Variants in CNTNAP2 observed in about 807,000 individuals in gnomAD.
CNTNAP2 encodes the protein contactin associated protein 2, also known as contactin-associated protein-like 2.
A neutral mutation model predicts 155.2 loss-of-function variants in CNTNAP2; 98 were observed. The ratio of observed to expected loss-of-function variants is 0.63; its 90% confidence interval spans 0.54 to 0.75. The LOEUF (loss-of-function observed/expected upper bound fraction) is 0.75. CNTNAP2 is among the 30% of genes least tolerant of loss of function. The pLI, the probability that CNTNAP2 is intolerant of heterozygous loss-of-function variation, is 0.00. For missense variants in CNTNAP2, 1,727 were observed against 1,688.1 expected, an observed-to-expected ratio of 1.02 and a Z score of -0.40; for synonymous variants, 651 against 631.2, an observed-to-expected ratio of 1.03 and a Z score of -0.47.
intron 1 of CNTNAP2, among the ~76,000 whole-genome samples, chr7:146,613,872 C>A (rs1799181461): frequency 1.3e-5 from 2 of 152,018 alleles, no homozygotes; most frequent in Non-Finnish European, 2.9e-5. Context: ...ATTTCTATAC[C>A]TCTAAACTAC....
Position 148,318,599 on chromosome 7 carries a change from A to G in CNTNAP2, c.3475+51473A>G, listed in dbSNP as rs532462562. Among the ~76,000 whole-genome samples the G allele has an allele frequency of 1.1e-3, 160 of 152,170 alleles. 1 individual carries two copies. Among genetic ancestry groups the G allele is most frequent in the Non-Finnish European group, 1.9e-3 (130 of 68,034 alleles). On this transcript the variant is annotated intron_variant, in intron 21 of 23. Transcript: ENST00000361727. ...GACAGCTTGGAACCTGGATAGTCCC[A>G]CCTACCCAAAAGCATTCAAATTAGG...
At chr7:146,817,944 A>C (rs1349825792) in intron 2 of CNTNAP2, among the ~76,000 whole-genome samples, 7 of 152,152 alleles carry the variant, frequency 4.6e-5, no homozygotes, top group Non-Finnish European at 1.0e-4. Context: ...TTGTTAAAAA[A>C]AGAATATAAG....
chr7:148,112,925 A>G (rs1228203232), intron 15 of CNTNAP2, among the ~76,000 whole-genome samples: 1 of 152,002 alleles, frequency 6.6e-6, no homozygotes, highest in African/African-American at 2.4e-5. Context: ...GGTGTCTCTA[A>G]GGAATTGGGA....
chr7:147,691,254 A>G (rs1448431373), intron 13 of CNTNAP2, among the ~76,000 whole-genome samples: 2 of 152,094 alleles, frequency 1.3e-5, no homozygotes, highest in African/African-American at 2.4e-5. Context: ...TGTAGGCACA[A>G]CACACTTTTA....
At chr7:147,249,147 A>G (rs1452106407) in intron 8 of CNTNAP2, among the ~76,000 whole-genome samples, 3 of 152,220 alleles carry the variant, frequency 2.0e-5, no homozygotes, top group Non-Finnish European at 2.9e-5. Context: ...TAAGCATTAC[A>G]TGATTGCTGT....
intron 14 of CNTNAP2, among the ~76,000 whole-genome samples, chr7:147,963,989 A>G (rs1007952223): frequency 3.3e-5 from 5 of 152,098 alleles, no homozygotes; most frequent in Non-Finnish European, 7.4e-5. Flanking sequence ...AAACTCATCT[A>G]TTAAGCCCTA....
At chr7:147,088,408 T>C (rs1800325873) in intron 4 of CNTNAP2, among the ~76,000 whole-genome samples, 2 of 152,172 alleles carry the variant, frequency 1.3e-5, no homozygotes, top group South Asian at 2.1e-4. Flanking sequence ...GTTTTAAAGT[T>C]GCAAAGCTCC....
intron 3 of CNTNAP2, among the ~76,000 whole-genome samples, chr7:146,923,410 T>C (rs1297146554): frequency 6.6e-6 from 1 of 152,160 alleles, no homozygotes; most frequent in African/African-American, 2.4e-5. Flanking sequence ...CTTTAGAAAT[T>C]GATCTTCCTG....
intron 1 of CNTNAP2, among the ~76,000 whole-genome samples, chr7:146,287,650 T>G (rs774315554): frequency 2.0e-5 from 3 of 152,170 alleles, no homozygotes; most frequent in East Asian, 1.9e-4. Context: ...AAGCAAAATA[T>G]GCTTACATAC....
intron 13 of CNTNAP2, among the ~76,000 whole-genome samples, chr7:147,737,193 G>A (rs534923937): frequency 6.6e-6 from 1 of 152,230 alleles, no homozygotes; most frequent in African/African-American, 2.4e-5. Context: ...ACGTACAGGT[G>A]GGGTTTTGGT....
chr7:147,746,576 C>A (rs770645322), intron 13 of CNTNAP2, among the ~76,000 whole-genome samples: 1 of 152,054 alleles, frequency 6.6e-6, no homozygotes, highest in Non-Finnish European at 1.5e-5. Flanking sequence ...CTTGTACCAC[C>A]TACAAGGTTT....
chr7:147,494,120 C>T (rs1418078595), intron 11 of CNTNAP2, among the ~76,000 whole-genome samples: 2 of 152,178 alleles, frequency 1.3e-5, no homozygotes, highest in Admixed American at 6.5e-5. Flanking sequence ...AGGAAACAAT[C>T]ATCCCAGCAG....
intron 10 of CNTNAP2, among the ~76,000 whole-genome samples, chr7:147,479,470 G>T (rs1396163768): frequency 6.6e-6 from 1 of 152,202 alleles, no homozygotes; most frequent in Non-Finnish European, 1.5e-5. Flanking sequence ...GTTTAATACA[G>T]TTCAACCTGG....
Position 147,562,134 on chromosome 7 carries a change from C to A in CNTNAP2, c.1778-4C>A. ...GCTTATGTAGGATATTTTGTTTGTTCTAGCTATCTACGAGCCTTCCTGTGA... is the reference window on the plus strand; with the variant it reads ...GCTTATGTAGGATATTTTGTTTGTTATAGCTATCTACGAGCCTTCCTGTGA... On this transcript the variant is annotated splice_region_variant and splice_polypyrimidine_tract_variant and intron_variant, in intron 11 of 23. Coordinates refer to ENST00000361727, the MANE Select transcript of CNTNAP2 (RefSeq NM_014141.6). 6.2e-7 allele frequency: 1 copy of A among 1,613,838 alleles called. No individual in the cohort carries two copies. The highest frequency in any genetic ancestry group is 1.1e-5 in the South Asian group (1 of 91,062).
chr7:146,517,844 A>G (rs1407899667), intron 1 of CNTNAP2, among the ~76,000 whole-genome samples: 1 of 151,930 alleles, frequency 6.6e-6, no homozygotes, highest in Non-Finnish European at 1.5e-5. Context: ...GACATACAAA[A>G]TGATTTTGAT....
chr7:146,488,514 T>C (rs1403524585), intron 1 of CNTNAP2, among the ~76,000 whole-genome samples: 1 of 152,024 alleles, frequency 6.6e-6, no homozygotes, highest in Non-Finnish European at 1.5e-5. Context: ...AGGACTACGC[T>C]ACCACAAAAG....
In CNTNAP2 at chr7:146,391,719, C is replaced by A. The variant is rs147027276; in HGVS notation, c.97+274746C>A. ...GTTTGCTACAGATCATGGCTTCCAG[C>A]TCCATCTATTTCCCTGCAAAGAACA... On this transcript the variant is annotated intron_variant, in intron 1 of 23. Transcript: ENST00000361727. Among the ~76,000 whole-genome samples the A allele has an allele frequency of 9.2e-3, 1,394 of 152,166 alleles. 16 individuals carry two copies. The highest frequency in any genetic ancestry group is 0.028 in the African/African-American group (1,173 of 41,470).
chr7:147,745,391 T>C (rs996099571), intron 13 of CNTNAP2, among the ~76,000 whole-genome samples: 1 of 152,216 alleles, frequency 6.6e-6, no homozygotes, highest in Admixed American at 6.5e-5. Flanking sequence ...TGTTAAAATG[T>C]GGACTTCATG....
chr7:147,565,380 T>C (rs565521674), intron 12 of CNTNAP2, among the ~76,000 whole-genome samples: 3 of 151,650 alleles, frequency 2.0e-5, no homozygotes, highest in Non-Finnish European at 4.4e-5. Flanking sequence ...CGCTTTTTTT[T>C]ATTATTATTT....
Sources: gnomAD v4.1 joint callset for allele counts (sites outside exome capture counted in the v4.1 genomes callset) on GRCh38, gnomAD v4.1.1 for gene constraint, MANE v1.5 for transcripts, NCBI Gene and HGNC (gene_info 2026-07-23, HGNC 2026-07-21) for gene names.